Variants in PPP2R5A observed in about 807,000 individuals in gnomAD.
The protein encoded by PPP2R5A is protein phosphatase 2 regulatory subunit B'alpha, also known as serine/threonine-protein phosphatase 2A 56 kDa regulatory subunit alpha isoform.
A neutral mutation model predicts 64.2 loss-of-function variants in PPP2R5A; 25 were observed. The ratio of observed to expected loss-of-function variants is 0.39; its 90% CI spans 0.28 to 0.54. The LOEUF is 0.54. Ranked by LOEUF, PPP2R5A falls within the 20% of genes least tolerant of loss-of-function variation. The pLI, the probability that PPP2R5A is intolerant of heterozygous loss-of-function variation, is 0.67. For missense variants in PPP2R5A, 425 were observed against 576.3 expected (o/e 0.74, Z 2.69); for synonymous variants, 198 against 201.2 (o/e 0.98, Z 0.13).
chr1:212,352,262 C>G (rs1659899458), intron 8 of PPP2R5A, among the ~76,000 whole-genome samples: 1 of 151,910 alleles, frequency 6.6e-6, no homozygotes, highest in Non-Finnish European at 1.5e-5. Context: ...CTCCTAAGAT[C>G]AGGCAGTGTG....
At chr1:212,308,443 C>G (rs539859822) in intron 1 of PPP2R5A, among the ~76,000 whole-genome samples, 2 of 137,016 alleles carry the variant, frequency 1.5e-5, no homozygotes, top group East Asian at 2.1e-4. Flanking sequence ...GAGTCTTGCT[C>G]TGTTGCCCAG....
At chr1:212,290,768 C>A (rs1260135646) in intron 1 of PPP2R5A, among the ~76,000 whole-genome samples, 8 of 152,118 alleles carry the variant, frequency 5.3e-5, no homozygotes, top group Admixed American at 5.2e-4. Flanking sequence ...TAAAATAATG[C>A]AACCATTGTA....
At chr1:212,309,368 T>C in intron 1 of PPP2R5A, 2 of 1,514,544 alleles carry the variant, frequency 1.3e-6, no homozygotes, top group Non-Finnish European at 1.8e-6. Flanking sequence ...AGTCGCAGTG[T>C]CTTGGGCCGC....
chr1:212,344,619 G>A (rs183306601), intron 4 of PPP2R5A, among the ~76,000 whole-genome samples: 2 of 152,276 alleles, frequency 1.3e-5, no homozygotes, highest in Admixed American at 1.3e-4. Flanking sequence ...ACTCTAGAGA[G>A]AGTATTTTAT....
At chr1:212,358,980 T>G (rs186989010) in intron 12 of PPP2R5A, among the ~76,000 whole-genome samples, 193 bp downstream of exon 12, 7 of 152,312 alleles carry the variant, frequency 4.6e-5, no homozygotes, top group Non-Finnish European at 1.0e-4. Flanking sequence ...AGTATTTTTA[T>G]AAATTTGTTA....
At chr1:212,346,789 G>A (rs987216033) in intron 5 of PPP2R5A, among the ~76,000 whole-genome samples, 2 of 152,140 alleles carry the variant, frequency 1.3e-5, no homozygotes. Flanking sequence ...GCAACAATTA[G>A]AGATGAGTAA....
intron 1 of PPP2R5A, among the ~76,000 whole-genome samples, chr1:212,311,506 A>C (rs865781216): frequency 3.9e-5 from 6 of 152,302 alleles, no homozygotes; most frequent in Non-Finnish European, 5.9e-5. Context: ...AATTATGTAC[A>C]ATACATAATA....
At chr1:212,296,338 A>C (rs970734736) in intron 1 of PPP2R5A, among the ~76,000 whole-genome samples, 4 of 152,202 alleles carry the variant, frequency 2.6e-5, no homozygotes, top group Non-Finnish European at 4.4e-5. Context: ...TGCATATGTG[A>C]ATCAAAGAGT....
intron 3 of PPP2R5A, among the ~76,000 whole-genome samples, chr1:212,334,792 C>T (rs1232827729): frequency 6.6e-6 from 1 of 151,990 alleles, no homozygotes; most frequent in East Asian, 1.9e-4. Context: ...TGTGAAAAGT[C>T]GTTTTTCTTT....
intron 3 of PPP2R5A, among the ~76,000 whole-genome samples, chr1:212,340,336 T>C (rs1427733347): frequency 6.6e-6 from 1 of 152,232 alleles, no homozygotes; most frequent in African/African-American, 2.4e-5. Flanking sequence ...CCTGCACTTA[T>C]AGTCTGTGCC....
chr1:212,316,613 T>TTTTA (rs1491340211), intron 1 of PPP2R5A, among the ~76,000 whole-genome samples: 2 of 138,850 alleles, frequency 1.4e-5, no homozygotes, highest in African/African-American at 5.8e-5. Flanking sequence ...TTTTTTTTTT[T>TTTTA]AATCTGAAAG....
chr1:212,310,268 A>G (rs749691745), intron 1 of PPP2R5A, among the ~76,000 whole-genome samples: 3 of 151,248 alleles, frequency 2.0e-5, no homozygotes, highest in Middle Eastern at 3.4e-3. Flanking sequence ...TTGTTCTAAC[A>G]TCAGGAGGGC....
At chr1:212,292,089 G>C (rs754263316) in intron 1 of PPP2R5A, among the ~76,000 whole-genome samples, 2 of 152,086 alleles carry the variant, frequency 1.3e-5, no homozygotes, top group African/African-American at 4.8e-5. Flanking sequence ...TGCGTTTTTG[G>C]TCATGCCTTA....
chr1:212,310,156 A>G (rs752763764), intron 1 of PPP2R5A, among the ~76,000 whole-genome samples: 4 of 152,138 alleles, frequency 2.6e-5, no homozygotes, highest in Admixed American at 6.5e-5. Flanking sequence ...TGATTGCTCA[A>G]TTGTTTTCAA....
intron 4 of PPP2R5A, among the ~76,000 whole-genome samples, chr1:212,344,149 CT>C (rs1659734327): frequency 6.6e-6 from 1 of 152,228 alleles, no homozygotes; most frequent in Non-Finnish European, 1.5e-5. Context: ...TTTGTTTGTA[CT>C]TTTAGTAGAG....
At chr1:212,338,168 A>C (rs1475334232) in intron 3 of PPP2R5A, among the ~76,000 whole-genome samples, 1 of 152,144 alleles carries the variant, frequency 6.6e-6, no homozygotes, top group Non-Finnish European at 1.5e-5. Flanking sequence ...ACTTCTCCCA[A>C]GTCTTTTTAA....
In PPP2R5A at chr1:212,360,768, T is replaced by C. The variant is rs1268836453; in HGVS notation, c.1459T>C (p.Ter487GlnextTer32). The part of the protein sequence containing the change: ...HSILSNTSAE[*>Q] The stretch of plus-strand genomic sequence containing the variant: ...TATTCTCAGCAATACAAGTGCCGAA[T>C]AAAAAAAAAGCCTCCCACCTCTGCC... Residue 487 changes from the stop codon to glutamine (Q), a stop_lost, in exon 13 of 13, where the codon TAA becomes CAA. Transcript: ENST00000261461. 6.7e-7 allele frequency: 1 copy of C among 1,496,140 alleles called. No individual in the cohort carries two copies. The highest frequency in any genetic ancestry group is 1.4e-5 in the African/African-American group (1 of 69,314). 92.7% of individuals were successfully genotyped at this position (1,496,140 alleles called of 1,614,324 possible).
intron 1 of PPP2R5A, chr1:212,299,467 T>C (rs1202497831): frequency 6.6e-6 from 1 of 152,242 alleles, no homozygotes; most frequent in Middle Eastern, 3.2e-3. Flanking sequence ...ACAAAGTTTT[T>C]GAAAACTTTT....
At chr1:212,303,715 T>C (rs975765008) in intron 1 of PPP2R5A, among the ~76,000 whole-genome samples, 1 of 152,238 alleles carries the variant, frequency 6.6e-6, no homozygotes, top group Non-Finnish European at 1.5e-5. Flanking sequence ...AATTTTTATA[T>C]AGGGTATGAC....
Sources: allele counts gnomAD v4.1 joint callset (sites outside exome capture counted in the v4.1 genomes callset), GRCh38; gene constraint gnomAD v4.1.1; transcripts MANE v1.5; gene names NCBI Gene and HGNC (gene_info 2026-07-23, HGNC 2026-07-21).